The following PAPPA2 variants were observed in gnomAD, a reference collection of about 807,000 sequenced individuals.
The protein encoded by PAPPA2 is pappalysin 2, also known as pappalysin-2.
PAPPA2 carries 86 observed loss-of-function variants against 176.4 expected under a neutral mutation model. That is an observed-to-expected ratio of 0.49 (90% CI 0.41 to 0.58). The LOEUF (loss-of-function observed/expected upper bound fraction) is 0.58, where lower values mean the gene tolerates loss of function less well. Ranked by LOEUF, PAPPA2 falls within the 20% of genes least tolerant of loss-of-function variation. The probability of loss-of-function intolerance (pLI) is 0.00; values close to 1 mark genes in which losing one functional copy is unlikely to be tolerated. For synonymous variants in PAPPA2, 809 were observed against 852.2 expected, an observed-to-expected ratio of 0.95 and a Z score of 0.88; for missense variants, 2,073 against 2,256.9, an observed-to-expected ratio of 0.92 and a Z score of 1.65.
rs1232331460 is a variant in PAPPA2 at position 176,692,281 on chromosome 1, C to T, written c.2587C>T (p.His863Tyr). ...ACAGACCAACAAGTCCCTCACTATC[C>T]ACTGGCTGCCTCCTATTAGTGGAGT... is the stretch of plus-strand genomic sequence containing the variant. ...IGQTNKSLTI[H>Y]WLPPISGVVY... The change falls in exon 6 of 23, where the codon CAC (histidine) becomes TAC (tyrosine). Residue 863 changes from histidine (H) to tyrosine (Y), a missense_variant. By Grantham distance (83) the His-to-Tyr change is moderately conservative (BLOSUM62 2). Transcript: ENST00000367662. 4 of 1,613,930 alleles carry T rather than the reference C, an allele frequency of 2.5e-6. No individual in the cohort carries two copies. The highest frequency in any genetic ancestry group is 3.4e-6 in the Non-Finnish European group (4 of 1,179,834).
intron 12 of PAPPA2, among the ~76,000 whole-genome samples, chr1:176,726,761 C>T (rs1661894990): frequency 6.6e-6 from 1 of 152,158 alleles, no homozygotes; most frequent in Non-Finnish European, 1.5e-5. Context: ...CTAGGAAATA[C>T]ATATTCTGAG....
intron 1 of PAPPA2, among the ~76,000 whole-genome samples, chr1:176,464,381 A>G (rs1558385000): frequency 5.9e-5 from 9 of 152,136 alleles, no homozygotes; most frequent in Admixed American, 3.9e-4. Flanking sequence ...GTATTTATTG[A>G]GCACCTACAA....
intron 14 of PAPPA2, among the ~76,000 whole-genome samples, chr1:176,764,228 GT>G (rs1023811062): frequency 1.3e-5 from 2 of 152,114 alleles, no homozygotes; most frequent in African/African-American, 4.8e-5. Context: ...TTCAACATGA[GT>G]TTTTTGGGGA....
chr1:176,814,155 T>A (rs1666284746), intron 21 of PAPPA2, among the ~76,000 whole-genome samples: 1 of 152,222 alleles, frequency 6.6e-6, no homozygotes, highest in Admixed American at 6.5e-5. Flanking sequence ...TCTGTTCTTG[T>A]ACCAGTACCA....
At chr1:176,633,749 A>G (rs1286997674) in intron 3 of PAPPA2, among the ~76,000 whole-genome samples, 1 of 151,168 alleles carries the variant, frequency 6.6e-6, no homozygotes, top group African/African-American at 2.5e-5. Context: ...TTTACAAGAA[A>G]AAAACAAACA....
At chr1:176,819,281 A>T (rs1395811170) in intron 21 of PAPPA2, among the ~76,000 whole-genome samples, 2 of 152,160 alleles carry the variant, frequency 1.3e-5, no homozygotes, top group African/African-American at 4.8e-5. Context: ...CCTGAATGTT[A>T]TGAGTCCTTT....
At chr1:176,620,477 A>G (rs945959714) in intron 3 of PAPPA2, among the ~76,000 whole-genome samples, 4 of 152,138 alleles carry the variant, frequency 2.6e-5, no homozygotes, top group African/African-American at 9.7e-5. Context: ...TTCAAATCAC[A>G]TTTCTTCTAT....
intron 17 of PAPPA2, among the ~76,000 whole-genome samples, chr1:176,779,921 A>C (rs1664639204): frequency 6.6e-6 from 1 of 152,150 alleles, no homozygotes; most frequent in Non-Finnish European, 1.5e-5. Context: ...AGTCAGGGCA[A>C]CGTAAATGCT....
chr1:176,605,353 C>T (rs1344512505), intron 3 of PAPPA2, among the ~76,000 whole-genome samples: 1 of 152,152 alleles, frequency 6.6e-6, no homozygotes, highest in Admixed American at 6.5e-5. Context: ...ACTGCAGAAA[C>T]TGGATTTATT....
At chr1:176,623,828 T>G (rs1655848206) in intron 3 of PAPPA2, among the ~76,000 whole-genome samples, 1 of 146,972 alleles carries the variant, frequency 6.8e-6, no homozygotes, top group Non-Finnish European at 1.5e-5. Flanking sequence ...CTTCTCTCTC[T>G]CTCTCTGTCT....
At chr1:176,677,353 T>C (rs2102784585) in intron 4 of PAPPA2, among the ~76,000 whole-genome samples, 1 of 152,318 alleles carries the variant, frequency 6.6e-6, no homozygotes, top group East Asian at 1.9e-4. Context: ...TGAATCCAAT[T>C]TCTGACTATC....
chr1:176,628,544 C>A (rs998746193), intron 3 of PAPPA2, among the ~76,000 whole-genome samples: 39 of 151,732 alleles, frequency 2.6e-4, no homozygotes. Context: ...AAACAAAAGC[C>A]TTTTGTGAGT....
At chr1:176,712,123 G>C in intron 12 of PAPPA2, 142 bp downstream of exon 12, 8 of 1,049,466 alleles carry the variant, frequency 7.6e-6, no homozygotes, top group Non-Finnish European at 1.1e-5. Context: ...TTAATATTTT[G>C]AGTTTATTTT....
intron 4 of PAPPA2, among the ~76,000 whole-genome samples, chr1:176,672,581 A>T (rs1184551272): frequency 6.6e-6 from 1 of 152,150 alleles, no homozygotes; most frequent in Non-Finnish European, 1.5e-5. Flanking sequence ...AGACCAAAAA[A>T]AAAAAGAAAA....
chr1:176,571,356 T>C (rs866694764), intron 2 of PAPPA2, among the ~76,000 whole-genome samples: 27 of 152,348 alleles, frequency 1.8e-4, no homozygotes, highest in African/African-American at 6.3e-4. Context: ...TCAAGCCCTT[T>C]ACTAGCTGTG....
At chr1:176,659,527 A>T (rs1658239778) in intron 3 of PAPPA2, among the ~76,000 whole-genome samples, 1 of 152,094 alleles carries the variant, frequency 6.6e-6, no homozygotes, top group Non-Finnish European at 1.5e-5. Context: ...AAATAAGATA[A>T]CCTTCACAGG....
At chr1:176,616,347 T>C in intron 3 of PAPPA2, 2 of 565,258 alleles carry the variant, frequency 3.5e-6, no homozygotes, top group Non-Finnish European at 6.9e-6. Flanking sequence ...CTTCTCCAAA[T>C]ACAAAAGTTG....
chr1:176,842,377 T>C lies in PAPPA2; in HGVS notation c.5302-3T>C. 6.2e-7 allele frequency: 1 copy of C among 1,612,666 alleles called. No homozygotes were observed. The highest frequency in any genetic ancestry group is 8.5e-7 in the Non-Finnish European group (1 of 1,178,932). The stretch of plus-strand genomic sequence containing the variant: ...TATTTCTACTTCCCTTTCATTCCCC[T>C]AGGTCATTCCATTTGCTGCTGACTG... On this transcript the variant is annotated splice_region_variant and splice_polypyrimidine_tract_variant and intron_variant, in intron 22 of 22. Transcript: ENST00000367662.
chr1:176,704,102 G>A (rs1213890870), intron 9 of PAPPA2, among the ~76,000 whole-genome samples: 2 of 152,098 alleles, frequency 1.3e-5, no homozygotes, highest in Non-Finnish European at 2.9e-5. Context: ...TGCAGCCCCA[G>A]GGTGCCATTT....
Sources: gnomAD v4.1 joint callset for allele counts (sites outside exome capture counted in the v4.1 genomes callset) on GRCh38, gnomAD v4.1.1 for gene constraint, MANE v1.5 for transcripts, NCBI Gene and HGNC (gene_info 2026-07-23, HGNC 2026-07-21) for gene names.